POLR3A: variants seen among roughly 807,000 people sequenced by gnomAD.
POLR3A encodes DNA-directed RNA polymerase III subunit RPC1.
In POLR3A, 112 loss-of-function variants were observed where a neutral mutation model predicts 152.8. That is an observed-to-expected ratio of 0.73 (90% CI 0.63 to 0.86). The LOEUF (loss-of-function observed/expected upper bound fraction) is 0.86. Ranked by LOEUF, POLR3A falls within the 40% of genes least tolerant of loss-of-function variation. The pLI is 0.00. For synonymous variants in POLR3A, 615 were observed against 652.1 expected (o/e 0.94, Z 0.87); for missense variants, 1,385 against 1,743.1 (o/e 0.79, Z 3.66).
intron 11 of POLR3A, among the ~76,000 whole-genome samples, chr10:78,012,131 G>A (rs965820908): frequency 2.0e-5 from 3 of 152,178 alleles, no homozygotes; most frequent in East Asian, 1.9e-4. Context: ...TGGGGAGGCC[G>A]AATCGGGCGG....
Position 78,013,942 on chromosome 10 carries a change from T to A in POLR3A, c.1432-152A>T, listed in dbSNP as rs78049591. The A allele has an allele frequency of 3.1e-3, 2,820 of 902,834 alleles. 52 individuals are homozygous for A. The African/African-American group carries it at 0.038, about 12-fold the overall frequency. 55.9% of individuals were successfully genotyped at this position (902,834 alleles called of 1,614,324 possible). On this transcript the variant is annotated intron_variant, in intron 10 of 30. Transcript: ENST00000372371. ...AGTATGTTCTGTCAAGTGATATATA[T>A]CATTTAGGACTCATTCCCAGTCTGG... is the stretch of plus-strand genomic sequence containing the variant.
In POLR3A at chr10:77,975,695, C is replaced by G. The variant is rs1847080766; in HGVS notation, c.*1783G>C. ...CTCTTCCATTTAAAGTGTGCGTCAC[C>G]CGCAGAAGACAACAGGTGCCGGAGT... On this transcript the variant is annotated 3_prime_UTR_variant, in exon 31 of 31. Coordinates refer to ENST00000372371, the MANE Select transcript of POLR3A (RefSeq NM_007055.4). 1 of 152,400 alleles carries G rather than the reference C, an allele frequency of 6.6e-6. No individual in the cohort carries two copies. Among genetic ancestry groups the G allele is most frequent in the Non-Finnish European group, 1.5e-5 (1 of 68,070 alleles). The allele number at this position is 152,400 out of a possible 1,614,324, so 9.4% of individuals were successfully genotyped here.
intron 1 of POLR3A, among the ~76,000 whole-genome samples, chr10:78,027,456 G>A (rs1847647773): frequency 6.6e-6 from 1 of 152,070 alleles, no homozygotes; most frequent in African/African-American, 2.4e-5. Flanking sequence ...CAAGGAGATT[G>A]AGACCATCCT....
At chr10:77,981,345 T>A (rs1051755738) in intron 29 of POLR3A, 83 bp downstream of exon 29, 15 of 1,322,526 alleles carry the variant, frequency 1.1e-5, no homozygotes, top group Admixed American at 3.4e-5. Flanking sequence ...GTATTCTACA[T>A]GTCTTAGAAA....
chr10:77,995,238 A>C (rs1464429907), intron 19 of POLR3A, among the ~76,000 whole-genome samples: 1 of 152,230 alleles, frequency 6.6e-6, no homozygotes, highest in Non-Finnish European at 1.5e-5. Context: ...CAAGGCTAGG[A>C]AGAAACTGCA....
At position 77,981,530 on chromosome 10, in the gene POLR3A, G is replaced by A. The variant is rs1226994452; in HGVS notation, c.3789C>T (p.Ala1263=). 1 of 1,613,892 alleles carries A rather than the reference G, an allele frequency of 6.2e-7. No homozygotes were observed. The highest frequency in any genetic ancestry group is 8.5e-7 in the Non-Finnish European group (1 of 1,179,974). ...GGATTTCATTGATGATCGTTGTCCG[G>A]GCGGCCTCGATGCCCAGAGTTTTCT... is the stretch of plus-strand genomic sequence containing the variant. ...EVEKTLGIEA[A]RTTIINEIQY... is the part of the protein sequence containing the mutation. Residue 1263 remains alanine (A), a synonymous_variant, in exon 29 of 31, where the codon GCC becomes GCT. Coordinates refer to ENST00000372371, the MANE Select transcript of POLR3A (RefSeq NM_007055.4).
Position 78,017,699 on chromosome 10 carries a change from T to G in POLR3A, c.1307A>C (p.Asn436Thr), listed in dbSNP as rs771642954. The G allele has an allele frequency of 1.9e-6, 3 of 1,614,056 alleles. No individual in the cohort carries two copies. The Admixed American group carries it at 5.0e-5, about 27-fold the overall frequency. Residue 436 changes from asparagine (N) to threonine (T), a missense_variant, in exon 10 of 31, where the codon AAT becomes ACT. Transcript: ENST00000372371. ...TQMKRFLKYGNREKMAQELKY... is the reference protein window; with the variant it reads ...TQMKRFLKYGTREKMAQELKY... ...GAGCTCTTGAGCCATCTTTTCTCGA[T>G]TTCCGTATTTCAAAAACCTGAATGT...
At chr10:78,002,348 T>C (rs1395707843) in intron 16 of POLR3A, 40 bp from the exon 17 acceptor site, 2 of 1,242,770 alleles carry the variant, frequency 1.6e-6, no homozygotes, top group African/African-American at 1.5e-5. Context: ...GTTGTCCTCA[T>C]TGTCTCTGTG....
chr10:78,013,139 G>GT (rs142158618), intron 11 of POLR3A: 4,772 of 185,120 alleles, frequency 0.026, 238 homozygotes, highest in African/African-American at 0.11. Flanking sequence ...TAAAGTGGTG[G>GT]TAAGAGTTAT....
intron 19 of POLR3A, among the ~76,000 whole-genome samples, chr10:77,997,723 T>C (rs12252623): frequency 0.03 from 4,551 of 151,632 alleles, 264 homozygotes; most frequent in African/African-American, 0.11. Flanking sequence ...AAAATGGCCA[T>C]ACTGCCCAAG....
chr10:77,996,066 G>C (rs1408358427), intron 19 of POLR3A, among the ~76,000 whole-genome samples: 4 of 152,078 alleles, frequency 2.6e-5, no homozygotes, highest in Non-Finnish European at 5.9e-5. Flanking sequence ...TGACTACTGG[G>C]TAAATAATGA....
At position 78,025,691 on chromosome 10, in the gene POLR3A, A is replaced by G. The variant is rs1238936313; in HGVS notation, c.249T>C (p.Tyr83=). Residue 83 remains tyrosine (Y), a synonymous_variant, in exon 3 of 31, where the codon TAT becomes TAC. Coordinates refer to ENST00000372371, the MANE Select transcript of POLR3A (RefSeq NM_007055.4). ...ACGGCAACTCCAGGTCGATATACCC[A>G]TAGTGGCCTAGACAGTCAGCCAAGT... ...GKNLADCLGH[Y]GYIDLELPCF... The G allele has an allele frequency of 6.2e-7, 1 of 1,613,942 alleles. No individual in the cohort carries two copies. Among genetic ancestry groups the G allele is most frequent in the African/African-American group, 1.3e-5 (1 of 75,016 alleles).
chr10:77,980,298 G>A lies in POLR3A; in HGVS notation c.3892-25C>T, dbSNP rs77363179. On this transcript the variant is annotated intron_variant, in intron 29 of 30. Transcript: ENST00000372371. ...CCTGCGTCAAGGGAGAAAGAGTCACGGTGGTACTCACACCAATGGCAAAAG... is the reference window on the plus strand; with the variant it reads ...CCTGCGTCAAGGGAGAAAGAGTCACAGTGGTACTCACACCAATGGCAAAAG... 5.2e-3 allele frequency: 8,393 copies of A among 1,612,978 alleles called. 387 individuals carry two copies. In the African/African-American group the frequency reaches 0.098, roughly 19 times the overall value.
In POLR3A at chr10:78,024,806, G is replaced by GA. The variant is rs1262903248; in HGVS notation, c.491-104dup. The GA allele has an allele frequency of 3.8e-6, 5 of 1,332,918 alleles. No individual in the cohort carries two copies. In the Admixed American group the frequency reaches 8.9e-5, roughly 24 times the overall value. 82.6% of individuals were successfully genotyped at this position (1,332,918 alleles called of 1,614,324 possible). ...AAATTACTGAAACTACTATAGCAATGAAAGATGAGAGGTCCGTTTCCCAAT... is the reference window on the plus strand; with the variant it reads ...AAATTACTGAAACTACTATAGCAATGAAAAGATGAGAGGTCCGTTTCCCAAT... On this transcript the variant is annotated intron_variant, in intron 4 of 30. Coordinates refer to ENST00000372371, the MANE Select transcript of POLR3A (RefSeq NM_007055.4).
intron 20 of POLR3A, among the ~76,000 whole-genome samples, chr10:77,991,432 C>G (rs1291772320): frequency 6.6e-6 from 1 of 152,146 alleles, no homozygotes; most frequent in Non-Finnish European, 1.5e-5. Context: ...ACCCCACTGC[C>G]CCCCACCAGA....
intron 19 of POLR3A, among the ~76,000 whole-genome samples, chr10:77,997,742 T>C (rs1296365854): frequency 4.0e-5 from 6 of 151,830 alleles, no homozygotes; most frequent in Non-Finnish European, 7.3e-5. Context: ...AGGTAATTTA[T>C]AGACTCAATG....
intron 2 of POLR3A, 103 bp downstream of exon 2, chr10:78,025,991 A>T: frequency 7.1e-7 from 1 of 1,416,502 alleles, no homozygotes; most frequent in Non-Finnish European, 9.9e-7. Flanking sequence ...GCAGGGGGGA[A>T]TTGAGGAGAT....
intron 21 of POLR3A, among the ~76,000 whole-genome samples, chr10:77,989,405 A>T (rs867804446): frequency 9.9e-5 from 15 of 152,268 alleles, no homozygotes; most frequent in Admixed American, 5.2e-4. Context: ...TGTTCTGGCC[A>T]GTGGATTTTG....
At chr10:78,007,090 A>C (rs1265211335) in intron 15 of POLR3A, among the ~76,000 whole-genome samples, 2 of 152,168 alleles carry the variant, frequency 1.3e-5, no homozygotes, top group East Asian at 3.8e-4. Flanking sequence ...AAAAAAAATC[A>C]AATACAAAAA....
Sources: allele counts gnomAD v4.1 joint callset (sites outside exome capture counted in the v4.1 genomes callset), GRCh38; gene constraint gnomAD v4.1.1; transcripts MANE v1.5; gene names NCBI Gene and HGNC (gene_info 2026-07-23, HGNC 2026-07-21).